The following MTO1 variants were observed in gnomAD, a reference collection of about 807,000 sequenced individuals.
MTO1 encodes the protein 5-taurinomethyluridine-[tRNA] synthase subunit MTO1, mitochondrial.
In MTO1, 46 loss-of-function variants were observed where a neutral mutation model predicts 71.6. That is an observed-to-expected ratio of 0.64 (90% CI 0.51 to 0.82). The LOEUF (loss-of-function observed/expected upper bound fraction) is 0.82, where lower values mean the gene tolerates loss of function less well. Among genes scored for constraint, MTO1 ranks in the 40% least tolerant of loss-of-function variants. MTO1 has a pLI of 0.00. For missense variants in MTO1, 773 were observed against 867.5 expected (o/e 0.89, Z 1.37); for synonymous variants, 297 against 312.1 (o/e 0.95, Z 0.51).
chr6:73,487,744 A>G (rs1163444861), intron 9 of MTO1: 3 of 151,908 alleles, frequency 2.0e-5, no homozygotes, highest in Non-Finnish European at 2.9e-5. Flanking sequence ...GGAGGTCACC[A>G]TATTGATGCT....
At chr6:73,466,836 A>C (rs569033700) in intron 3 of MTO1, among the ~76,000 whole-genome samples, 4 of 152,218 alleles carry the variant, frequency 2.6e-5, no homozygotes, top group Non-Finnish European at 4.4e-5. Context: ...CTTAGTGTAG[A>C]ACTTTGTAAT....
intron 3 of MTO1, among the ~76,000 whole-genome samples, 162 bp from the exon 4 acceptor site, chr6:73,473,203 C>T (rs1249331496): frequency 2.0e-5 from 3 of 152,274 alleles, no homozygotes; most frequent in Non-Finnish European, 2.9e-5. Context: ...TGCTTGAACC[C>T]GGGAGGCGGA....
rs756959154 is a variant in MTO1, at chr6:73,473,372, A to C, written c.543A>C (p.Gly181=). The change falls in exon 4 of 12, where the codon GGA becomes GGC. Residue 181 remains glycine (G), a synonymous_variant. Transcript: ENST00000498286. ...TTTTTTCTTGTTATTTAGTGGATGG[A>C]AGCACAGTATATGCAGAGAGTGTGA... ...CRVSGVVLVD[G]STVYAESVIL... is the part of the protein sequence containing the mutation. 1.9e-6 allele frequency: 3 copies of C among 1,605,402 alleles called. No homozygotes were observed. In the South Asian group the frequency reaches 3.3e-5, roughly 18 times the overall value.
rs1319562613 is a variant in MTO1 at position 73,473,484 on chromosome 6, A to T, written c.655A>T (p.Ile219Leu). 3.7e-6 allele frequency: 6 copies of T among 1,614,126 alleles called. No individual in the cohort carries two copies. In the South Asian group the frequency reaches 6.6e-5, roughly 18 times the overall value. The change falls in exon 4 of 12, where the codon ATA becomes TTA. Residue 219 changes from isoleucine (I) to leucine (L), a missense_variant. Physicochemically the swap from Ile to Leu is conservative, Grantham distance 5. Coordinates refer to ENST00000498286, the MANE Select transcript of MTO1 (RefSeq NM_012123.4). Reference protein sequence around the residue: ...PAGRLGDQPSIGLAQTLEKLG... With the variant: ...PAGRLGDQPSLGLAQTLEKLG... The stretch of plus-strand genomic sequence containing the variant: ...AGGACGTTTAGGGGATCAGCCTTCT[A>T]TAGGATTGGCTCAGACACTGGAGAA...
At position 73,466,348 on chromosome 6, in the gene MTO1, A is replaced by G; in HGVS notation, c.357A>G (p.Gly119=). The G allele has an allele frequency of 6.2e-7, 1 of 1,614,162 alleles. No homozygotes were observed. The highest frequency in any genetic ancestry group is 1.7e-5 in the Admixed American group (1 of 59,978). Residue 119 remains glycine (G), a synonymous_variant, in exon 2 of 12, where the codon GGA becomes GGG. Transcript: ENST00000498286. ...ATAAAGTATTAAACCGGCGTAAGGG[A>G]CCAGCTGTGTGGGGTCTGAGAGCTC... ...VHYKVLNRRK[G]PAVWGLRAQI...
chr6:73,493,362 G>GTGTGTA (rs1771881051), intron 10 of MTO1, among the ~76,000 whole-genome samples: 1 of 149,310 alleles, frequency 6.7e-6, no homozygotes, highest in African/African-American at 2.5e-5. Flanking sequence ...GTATGTGTGT[G>GTGTGTA]TGTGTGTGTG....
At position 73,482,197 on chromosome 6, in the gene MTO1, G is replaced by GT. The variant is rs934138970; in HGVS notation, c.1421dup (p.Leu474PhefsTer6). The GT allele has an allele frequency of 1.9e-6, 3 of 1,613,992 alleles. No individual in the cohort carries two copies. The highest frequency in any genetic ancestry group is 2.5e-6 in the Non-Finnish European group (3 of 1,180,044). On this transcript the variant is annotated frameshift_variant, in exon 8 of 12. Transcript: ENST00000498286. LOFTEE classifies it high-confidence loss of function. ...ATGTTTACCAGCCGAGTAGAGTTCC[G>GT]TTTGTCACTGCGCCCTGATAATGCT...
intron 3 of MTO1, among the ~76,000 whole-genome samples, chr6:73,470,179 AT>A (rs913032220): frequency 9.9e-5 from 15 of 151,708 alleles, no homozygotes; most frequent in South Asian, 4.2e-4. Flanking sequence ...CTTTTATTTT[AT>A]TTTATTTATT....
At chr6:73,499,406 C>T (rs1772091694) in intron 11 of MTO1, among the ~76,000 whole-genome samples, 1 of 151,396 alleles carries the variant, frequency 6.6e-6, no homozygotes, top group Admixed American at 6.6e-5. Context: ...CCTATAGTCC[C>T]AGCTACTTGG....
rs552381349 is a variant in MTO1 at position 73,502,070 on chromosome 6, G to A, written c.*1335G>A. ...CTTGATTCAGTGATTTCAAAAGGTC[G>A]TAACTTTTAGTCATAGCTACTCCTG... On this transcript the variant is annotated 3_prime_UTR_variant, in exon 12 of 12. Transcript: ENST00000498286. The A allele has an allele frequency of 6.6e-6, 1 of 152,160 alleles. No individual in the cohort carries two copies. The highest frequency in any genetic ancestry group is 1.5e-5 in the Non-Finnish European group (1 of 68,026). 9.4% of individuals were successfully genotyped at this position (152,160 alleles called of 1,614,324 possible). A position where few individuals can be genotyped will look rare whatever the true frequency, so the allele number is the denominator to read the frequency against.
intron 10 of MTO1, among the ~76,000 whole-genome samples, chr6:73,493,571 A>C (rs905666230): frequency 7.3e-5 from 11 of 151,342 alleles, no homozygotes; most frequent in Admixed American, 3.3e-4. Flanking sequence ...TTGTATTTTT[A>C]GTAGAGACAG....
At chr6:73,492,995 T>TGTGTGTA (rs540252865) in intron 10 of MTO1, among the ~76,000 whole-genome samples, 28,329 of 72,558 alleles carry the variant, frequency 0.39, 5,485 homozygotes, top group Non-Finnish European at 0.51. Flanking sequence ...TGTGTGTGTA[T>TGTGTGTA]TTTTTTTTTT....
Position 73,480,316 on chromosome 6 carries a change from A to T in MTO1, c.1129+190A>T, listed in dbSNP as rs966451148. The T allele has an allele frequency of 5.4e-6, 4 of 746,562 alleles. No homozygotes were observed. In the Admixed American group the frequency reaches 8.1e-5, roughly 15 times the overall value. The allele number at this position is 746,562 out of a possible 1,614,324, so 46.2% of individuals were successfully genotyped here. On this transcript the variant is annotated intron_variant, in intron 6 of 11. Transcript: ENST00000498286. ...AGACGGAGTTTTGCTCTTGTTGCCC[A>T]GGATGGAGTGCAATGGTGCGATCTC...
chr6:73,483,087 C>A (rs9442913), intron 9 of MTO1, among the ~76,000 whole-genome samples: 2 of 151,886 alleles, frequency 1.3e-5, no homozygotes, highest in Non-Finnish European at 2.9e-5. Flanking sequence ...CCACTGCACC[C>A]GGCCTAACTC....
In MTO1 at chr6:73,461,937, A is replaced by C. The variant is rs1770829413; in HGVS notation, c.83A>C (p.Asp28Ala). The change falls in exon 1 of 12, where the codon GAC becomes GCC. Residue 28 changes from aspartate to alanine, a missense_variant. Transcript: ENST00000498286. Reference sequence around the variant, plus strand: ...TTTCCGTTGGCACGGTTGAGCAGTGACAGCGCGGCGCCCCGGACTCCGCAC... The same window carrying C: ...TTTCCGTTGGCACGGTTGAGCAGTGCCAGCGCGGCGCCCCGGACTCCGCAC... Reference protein sequence around the residue: ...QQFPLARLSSDSAAPRTPHFD... With the variant: ...QQFPLARLSSASAAPRTPHFD... 4 of 1,614,248 alleles carry C rather than the reference A, an allele frequency of 2.5e-6. No homozygotes were observed. Among genetic ancestry groups the C allele is most frequent in the Non-Finnish European group, 3.4e-6 (4 of 1,180,034 alleles).
intron 9 of MTO1, chr6:73,491,888 G>A (rs899356276): frequency 5.2e-6 from 1 of 191,332 alleles, no homozygotes; most frequent in South Asian, 9.8e-5. Context: ...AGATCACGAG[G>A]TCAGGAGTTC....
At chr6:73,467,882 G>A (rs1384061410) in intron 3 of MTO1, among the ~76,000 whole-genome samples, 2 of 152,030 alleles carry the variant, frequency 1.3e-5, no homozygotes, top group African/African-American at 4.8e-5. Flanking sequence ...ATGCAGTGGT[G>A]CGATATCGGC....
At chr6:73,492,968 A>ATGTG (rs368351300) in intron 10 of MTO1, among the ~76,000 whole-genome samples, 1,567 of 67,850 alleles carry the variant, frequency 0.023, 70 homozygotes, top group African/African-American at 0.067. Context: ...TATATAATAT[A>ATGTG]TGTGTGTGTG....
rs1237542252 is a variant in MTO1 at position 73,466,111 on chromosome 6, G to A, written c.218-98G>A. ...TCACGTTTTCTATTTTTTATCATAT[G>A]AGATGATTATAGTCACCTGTATAAA... is the stretch of plus-strand genomic sequence containing the variant. On this transcript the variant is annotated intron_variant, in intron 1 of 11. Coordinates refer to ENST00000498286, the MANE Select transcript of MTO1 (RefSeq NM_012123.4). 44 of 1,067,374 alleles carry A rather than the reference G, an allele frequency of 4.1e-5. No homozygotes were observed. In the Middle Eastern group the frequency reaches 6.7e-4, roughly 16 times the overall value. The allele number at this position is 1,067,374 out of a possible 1,614,324, so 66.1% of individuals were successfully genotyped here. A position where few individuals can be genotyped will look rare whatever the true frequency, so the allele number is the denominator to read the frequency against.
Sources: allele counts gnomAD v4.1 joint callset (sites outside exome capture counted in the v4.1 genomes callset), GRCh38; gene constraint gnomAD v4.1.1; transcripts MANE v1.5; gene names NCBI Gene and HGNC (gene_info 2026-07-23, HGNC 2026-07-21).